The following SLC13A3 variants were observed in gnomAD, a reference collection of about 807,000 sequenced individuals.
SLC13A3 encodes solute carrier family 13 member 3.
SLC13A3 carries 40 observed loss-of-function variants against 59.0 expected under a neutral mutation model. That is an observed-to-expected ratio of 0.68 (90% CI 0.53 to 0.88). The LOEUF is 0.88. SLC13A3 is among the 40% of genes least tolerant of loss of function. The pLI is 0.00. For missense variants in SLC13A3, 699 were observed against 783.2 expected (o/e 0.89, Z 1.28); for synonymous variants, 317 against 330.3 (o/e 0.96, Z 0.44).
intron 1 of SLC13A3, among the ~76,000 whole-genome samples, chr20:46,630,506 G>C (rs770588257): frequency 1.2e-4 from 19 of 152,348 alleles, no homozygotes; most frequent in Non-Finnish European, 2.1e-4. Context: ...CTGCAGTTTG[G>C]TCAAAGTTTC....
chr20:46,611,200 C>T (rs1211824860), intron 2 of SLC13A3, among the ~76,000 whole-genome samples: 1 of 152,186 alleles, frequency 6.6e-6, no homozygotes, highest in African/African-American at 2.4e-5. Flanking sequence ...TCCCAACTCT[C>T]ACCATTTATT....
At chr20:46,615,194 G>A (rs2062543186) in intron 1 of SLC13A3, among the ~76,000 whole-genome samples, 1 of 152,096 alleles carries the variant, frequency 6.6e-6, no homozygotes, top group Non-Finnish European at 1.5e-5. Flanking sequence ...TCCTTTCAAG[G>A]CAACGATCTT....
intron 3 of SLC13A3, chr20:46,608,854 C>G (rs1352194692): frequency 6.5e-7 from 1 of 1,538,232 alleles, no homozygotes; most frequent in South Asian, 1.2e-5. Context: ...TGCCATCTAT[C>G]TCTCAAGATG....
upstream of SLC13A3, among the ~76,000 whole-genome samples, chr20:46,653,026 A>T (rs1389273595): frequency 6.6e-6 from 1 of 152,104 alleles, no homozygotes; most frequent in Non-Finnish European, 1.5e-5. Flanking sequence ...ATCTTTTCAC[A>T]TGCTAATTTG....
Position 46,587,835 on chromosome 20 carries a change from C to G in SLC13A3, c.1121+224G>C, listed in dbSNP as rs112860320. Among the ~76,000 whole-genome samples the G allele has an allele frequency of 4.2e-4, 64 of 152,370 alleles. 1 individual carries two copies. Among genetic ancestry groups the G allele is most frequent in the African/African-American group, 1.3e-3 (56 of 41,588 alleles). On this transcript the variant is annotated intron_variant, in intron 8 of 12. Transcript: ENST00000279027. ...AGCTAGAATTCTAACCCAGTTTAGT[C>G]TGACTCCAAATCCAGAGCTCCCAAC...
chr20:46,616,855 A>G (rs1014440489), intron 1 of SLC13A3, among the ~76,000 whole-genome samples: 1 of 152,202 alleles, frequency 6.6e-6, no homozygotes, highest in Non-Finnish European at 1.5e-5. Flanking sequence ...TCAGCTGGGA[A>G]CAATCGGTTT....
chr20:46,575,736 C>G (rs1600506175), intron 9 of SLC13A3, 51 bp from the exon 10 acceptor site: 6 of 1,132,106 alleles, frequency 5.3e-6, no homozygotes, highest in Middle Eastern at 2.0e-4. Flanking sequence ...CAGCCTGAGG[C>G]AGAGGCCACC....
chr20:46,667,896 G>A (rs777495695), intron 1 of SLC13A3, among the ~76,000 whole-genome samples: 6 of 152,106 alleles, frequency 3.9e-5, no homozygotes, highest in Non-Finnish European at 5.9e-5. Context: ...CTTTTTTTAT[G>A]ATTATATCTG....
intron 1 of SLC13A3, among the ~76,000 whole-genome samples, chr20:46,638,935 A>T (rs1479615953): frequency 1.3e-5 from 2 of 152,170 alleles, no homozygotes; most frequent in Non-Finnish European, 2.9e-5. Context: ...ACATTGCCAC[A>T]TGTCTCCTGG....
chr20:46,615,643 T>A (rs1336681593), intron 1 of SLC13A3, among the ~76,000 whole-genome samples: 1 of 152,290 alleles, frequency 6.6e-6, no homozygotes, highest in Middle Eastern at 3.4e-3. Context: ...AAGTTGTTGG[T>A]CTCAGGGAAG....
intron 1 of SLC13A3, among the ~76,000 whole-genome samples, chr20:46,650,910 A>T (rs940442922): frequency 4.6e-5 from 7 of 152,008 alleles, no homozygotes; most frequent in Admixed American, 4.6e-4. Flanking sequence ...ATTAAAAAAA[A>T]ATTAGCTGGG....
chr20:46,677,638 C>A (rs1004244123), intron 1 of SLC13A3, among the ~76,000 whole-genome samples: 37 of 152,064 alleles, frequency 2.4e-4, no homozygotes, highest in African/African-American at 2.4e-5. Flanking sequence ...TTTGGGATGC[C>A]CGTGAGGCCC....
At chr20:46,634,845 C>G (rs1045741886) in intron 1 of SLC13A3, among the ~76,000 whole-genome samples, 2 of 152,136 alleles carry the variant, frequency 1.3e-5, no homozygotes, top group Non-Finnish European at 2.9e-5. Flanking sequence ...TCCCAACTGT[C>G]CAGCTGGTTC....
intron 8 of SLC13A3, chr20:46,585,798 C>G: frequency 1.6e-6 from 2 of 1,279,240 alleles, no homozygotes; most frequent in Non-Finnish European, 2.0e-6. Flanking sequence ...GTAAGAGCAA[C>G]AAGAGCTTCA....
At chr20:46,677,042 T>C (rs982857578) in intron 1 of SLC13A3, among the ~76,000 whole-genome samples, 1 of 152,154 alleles carries the variant, frequency 6.6e-6, no homozygotes, top group African/African-American at 2.4e-5. Context: ...GCCTCCCAAG[T>C]AGCTGGGATT....
chr20:46,604,523 C>G (rs1316361855), intron 3 of SLC13A3, among the ~76,000 whole-genome samples: 1 of 152,154 alleles, frequency 6.6e-6, no homozygotes, highest in Non-Finnish European at 1.5e-5. Flanking sequence ...GCCACATACA[C>G]AGCCATGTGG....
At chr20:46,628,632 A>G (rs2122802082) in intron 1 of SLC13A3, among the ~76,000 whole-genome samples, 1 of 152,338 alleles carries the variant, frequency 6.6e-6, no homozygotes, top group South Asian at 2.1e-4. Flanking sequence ...TGAAGGGGAA[A>G]GAATACCAAG....
At chr20:46,605,207 T>C (rs2062426155) in intron 3 of SLC13A3, among the ~76,000 whole-genome samples, 1 of 152,194 alleles carries the variant, frequency 6.6e-6, no homozygotes, top group African/African-American at 2.4e-5. Flanking sequence ...TTTTTCCTTA[T>C]GGAGATTAGT....
chr20:46,597,780 G>A (rs749737490), intron 4 of SLC13A3, among the ~76,000 whole-genome samples: 3 of 152,130 alleles, frequency 2.0e-5, no homozygotes, highest in Admixed American at 6.5e-5. Flanking sequence ...AGTCTAGAAT[G>A]GTATTCATTT....
Sources: gnomAD v4.1 joint callset for allele counts (sites outside exome capture counted in the v4.1 genomes callset) on GRCh38, gnomAD v4.1.1 for gene constraint, MANE v1.5 for transcripts, NCBI Gene and HGNC (gene_info 2026-07-23, HGNC 2026-07-21) for gene names.